The following CHST3 variants were observed in gnomAD, a reference collection of about 807,000 sequenced individuals.
CHST3 encodes C6ST-1.
Under a neutral mutation model 35.4 loss-of-function variants are expected in CHST3, and 20 were observed. The ratio of observed to expected loss-of-function variants is 0.57; its 90% CI spans 0.40 to 0.82. The LOEUF (loss-of-function observed/expected upper bound fraction) is 0.82, where lower values mean the gene tolerates loss of function less well. Among genes scored for constraint, CHST3 ranks in the 40% least tolerant of loss-of-function variants. The pLI is 0.00. For missense variants in CHST3, 693 were observed against 670.1 expected (o/e 1.03, Z -0.38); for synonymous variants, 334 against 295.9 (o/e 1.13, Z -1.32).
At chr10:71,965,487 C>T (rs1290180316) in intron 1 of CHST3, among the ~76,000 whole-genome samples, 1 of 152,134 alleles carries the variant, frequency 6.6e-6, no homozygotes, top group African/African-American at 2.4e-5. Context: ...TGAGCAGATT[C>T]CAGTCCTGGG....
chr10:72,007,172 G>A lies in CHST3; in HGVS notation c.141G>A (p.Arg47=). ...FIEKENKIIS[R]VSDKLKQIPQ... ...ACCCTGATCTTCTTTGTCCTCACAGGGTCTCAGACAAGCTGAAGCAGATTC... is the reference window on the plus strand; with the variant it reads ...ACCCTGATCTTCTTTGTCCTCACAGAGTCTCAGACAAGCTGAAGCAGATTC... Residue 47 remains arginine (R), a splice_region_variant and synonymous_variant, in exon 3 of 3, where the codon AGG becomes AGA. Transcript: ENST00000373115. The A allele has an allele frequency of 6.2e-7, 1 of 1,613,966 alleles. No homozygotes were observed. Among genetic ancestry groups the A allele is most frequent in the Non-Finnish European group, 8.5e-7 (1 of 1,180,010 alleles).
At chr10:71,975,328 T>C (rs1241333694) in intron 1 of CHST3, among the ~76,000 whole-genome samples, 1 of 152,222 alleles carries the variant, frequency 6.6e-6, no homozygotes, top group Non-Finnish European at 1.5e-5. Flanking sequence ...CAGCCAGGAT[T>C]CACACCCATA....
chr10:71,970,551 G>A (rs142801910), intron 1 of CHST3, among the ~76,000 whole-genome samples: 7 of 152,188 alleles, frequency 4.6e-5, no homozygotes, highest in South Asian at 2.1e-4. Context: ...CACACCCTCC[G>A]CTGGCCAGTC....
chr10:71,977,615 A>T lies in CHST3; in HGVS notation c.-108+12921A>T, dbSNP rs1564525256. The stretch of plus-strand genomic sequence containing the variant: ...CAGGTGTGCTCCACCTAATTTTTAA[A>T]TTTTTTTTTAGAGAAGGGGTCTTTC... On this transcript the variant is annotated intron_variant, in intron 1 of 2. Coordinates refer to ENST00000373115, the MANE Select transcript of CHST3 (RefSeq NM_004273.5). 4.0e-5 allele frequency among the ~76,000 whole-genome samples: 6 copies of T among 150,632 alleles called. No individual in the cohort carries two copies. The South Asian group carries it at 8.4e-4, about 21-fold the overall frequency.
intron 1 of CHST3, among the ~76,000 whole-genome samples, chr10:71,980,928 C>T (rs558502009): frequency 6.6e-6 from 1 of 152,308 alleles, no homozygotes; most frequent in African/African-American, 2.4e-5. Context: ...GTAGAAAAGG[C>T]CTGCTAAGCA....
In CHST3 at chr10:71,979,512, G is replaced by T. The variant is rs1564525673; in HGVS notation, c.-108+14818G>T. Among the ~76,000 whole-genome samples, 4 of 152,122 alleles carry T rather than the reference G, an allele frequency of 2.6e-5. No individual in the cohort carries two copies. In the South Asian group the frequency reaches 8.3e-4, roughly 32 times the overall value. On this transcript the variant is annotated intron_variant, in intron 1 of 2. Coordinates refer to ENST00000373115, the MANE Select transcript of CHST3 (RefSeq NM_004273.5). ...GTGTAGGGTTTGGGCTCGGCCTTAA[G>T]GGATGGGTGGAATTTGGCCAGGCAC...
Position 72,007,550 on chromosome 10 carries a change from C to T in CHST3, c.519C>T (p.Ser173=). 6.2e-7 allele frequency: 1 copy of T among 1,606,118 alleles called. No individual in the cohort carries two copies. Among genetic ancestry groups the T allele is most frequent in the Non-Finnish European group, 8.5e-7 (1 of 1,179,772 alleles). ...TGTGGCACATCGAGCGCACAGTGTC[C>T]TTCGAGCCGGGGGGCGCCAACGCCG... ...EPLWHIERTV[S]FEPGGANAAG... Residue 173 remains serine, a synonymous_variant, in exon 3 of 3, where the codon TCC becomes TCT. Transcript: ENST00000373115.
chr10:71,971,605 G>A (rs1216603286), intron 1 of CHST3, among the ~76,000 whole-genome samples: 1 of 152,158 alleles, frequency 6.6e-6, no homozygotes, highest in Non-Finnish European at 1.5e-5. Flanking sequence ...CCATCTGCAA[G>A]ATTCTGGAAA....
intron 1 of CHST3, among the ~76,000 whole-genome samples, chr10:71,987,084 C>T (rs1259933421): frequency 6.6e-6 from 1 of 152,160 alleles, no homozygotes; most frequent in Admixed American, 6.5e-5. Context: ...ACCTCTGTTT[C>T]CACTGGCAGA....
At chr10:71,967,216 T>C (rs1164159698) in intron 1 of CHST3, among the ~76,000 whole-genome samples, 1 of 152,168 alleles carries the variant, frequency 6.6e-6, no homozygotes, top group Non-Finnish European at 1.5e-5. Context: ...GGTCTCAAAC[T>C]CTGGAGCTCT....
rs1354457434 is a variant in CHST3, at chr10:71,994,752, G to A, written c.-107-10984G>A. ...AATAGAAGGCTGTTTGGTCTACATC[G>A]AAAACCTGTTGATTATTGTAGCCAC... is the stretch of plus-strand genomic sequence containing the variant. On this transcript the variant is annotated intron_variant, in intron 1 of 2. Transcript: ENST00000373115. 4.6e-5 allele frequency among the ~76,000 whole-genome samples: 7 copies of A among 152,322 alleles called. No homozygotes were observed. The East Asian group carries it at 1.3e-3, about 29-fold the overall frequency.
chr10:71,998,116 G>A (rs1427483532), intron 1 of CHST3, among the ~76,000 whole-genome samples: 3 of 152,202 alleles, frequency 2.0e-5, no homozygotes, highest in African/African-American at 7.2e-5. Flanking sequence ...CCCAGCCTGG[G>A]TGACAGAGTG....
At chr10:72,003,243 A>G (rs1330991143) in intron 1 of CHST3, among the ~76,000 whole-genome samples, 1 of 152,218 alleles carries the variant, frequency 6.6e-6, no homozygotes, top group Non-Finnish European at 1.5e-5. Context: ...CCAGAGTGCA[A>G]GCCCCGGGAG....
At chr10:72,006,869 A>T (rs1840043718) in intron 2 of CHST3, among the ~76,000 whole-genome samples, 1 of 152,208 alleles carries the variant, frequency 6.6e-6, no homozygotes, top group African/African-American at 2.4e-5. Context: ...GCAAGCCGGA[A>T]GTACTAGGGA....
chr10:71,978,324 C>T (rs1417611194), intron 1 of CHST3, among the ~76,000 whole-genome samples: 1 of 151,876 alleles, frequency 6.6e-6, no homozygotes, highest in Non-Finnish European at 1.5e-5. Context: ...CGAGATCACA[C>T]CATTGCACTC....
In CHST3 at chr10:72,008,081, G is replaced by C. The variant is rs1306707141; in HGVS notation, c.1050G>C (p.Leu350=). Residue 350 remains leucine (L), a synonymous_variant, in exon 3 of 3, where the codon CTG becomes CTC. Coordinates refer to ENST00000373115, the MANE Select transcript of CHST3 (RefSeq NM_004273.5). ...GGGGCAACTGCGAGAGCATCCGCCT[G>C]TCCGCGGAGCTGGGGCTGCGGCAGC... is the stretch of plus-strand genomic sequence containing the variant. ...RLRGNCESIR[L]SAELGLRQPA... is the part of the protein sequence containing the mutation. 2 of 1,545,628 alleles carry C rather than the reference G, an allele frequency of 1.3e-6. No individual in the cohort carries two copies. Among genetic ancestry groups the C allele is most frequent in the African/African-American group, 1.4e-5 (1 of 73,040 alleles).
chr10:71,976,725 G>A (rs1338379783), intron 1 of CHST3, among the ~76,000 whole-genome samples: 1 of 152,190 alleles, frequency 6.6e-6, no homozygotes, highest in Non-Finnish European at 1.5e-5. Flanking sequence ...TTTCCTTTCT[G>A]TGATAGGATT....
chr10:72,008,519 C>CT lies in CHST3; in HGVS notation c.*51dup. ...CCTCCTCGTGAAAGGCCTGCCCCGT[C>CT]TTTCTGCCGCAGCCCTCGCAGAGGG... On this transcript the variant is annotated 3_prime_UTR_variant, in exon 3 of 3. Transcript: ENST00000373115. 6.8e-7 allele frequency: 1 copy of CT among 1,461,582 alleles called. No individual in the cohort carries two copies. The highest frequency in any genetic ancestry group is 9.0e-7 in the Non-Finnish European group (1 of 1,106,438). The allele number at this position is 1,461,582 out of a possible 1,614,324, so 90.5% of individuals were successfully genotyped here.
chr10:71,991,964 C>T (rs1839900634), intron 1 of CHST3, among the ~76,000 whole-genome samples: 1 of 151,550 alleles, frequency 6.6e-6, no homozygotes, highest in African/African-American at 2.4e-5. Context: ...TTATACTATA[C>T]TGTAGTCTAT....
Sources: allele counts gnomAD v4.1 joint callset (sites outside exome capture counted in the v4.1 genomes callset), GRCh38; gene constraint gnomAD v4.1.1; transcripts MANE v1.5; gene names NCBI Gene and HGNC (gene_info 2026-07-23, HGNC 2026-07-21).